PPP2R2B: variants seen among roughly 807,000 people sequenced by gnomAD.
PPP2R2B encodes protein phosphatase 2 regulatory subunit Bbeta, also known as serine/threonine-protein phosphatase 2A 55 kDa regulatory subunit B beta isoform.
Under a neutral mutation model 46.0 loss-of-function variants are expected in PPP2R2B, and 5 were observed. The observed-to-expected ratio is 0.11, with a 90% CI of 0.06 to 0.23. The LOEUF is 0.23. Ranked by LOEUF, PPP2R2B falls within the 10% of genes least tolerant of loss-of-function variation. PPP2R2B has a pLI of 1.00. For missense variants in PPP2R2B, 367 were observed against 575.0 expected (o/e 0.64, Z 3.70); for synonymous variants, 215 against 206.7 (o/e 1.04, Z -0.34).
intron 2 of PPP2R2B, among the ~76,000 whole-genome samples, chr5:147,071,157 G>C (rs76822809): frequency 1.3e-5 from 2 of 152,186 alleles, no homozygotes; most frequent in East Asian, 3.9e-4. Context: ...GCCCAGAATT[G>C]TAGCAGTTGT....
At chr5:146,712,433 T>A (rs1581932044) in intron 2 of PPP2R2B, among the ~76,000 whole-genome samples, 1 of 152,178 alleles carries the variant, frequency 6.6e-6, no homozygotes, top group South Asian at 2.1e-4. Context: ...CAGGACCCAA[T>A]CTTTAATAAA....
intron 7 of PPP2R2B, among the ~76,000 whole-genome samples, chr5:146,613,921 C>A (rs1581713283): frequency 7.7e-6 from 1 of 129,350 alleles, no homozygotes; most frequent in Non-Finnish European, 1.5e-5. Context: ...AATGGCCATA[C>A]TGCCCAAGGT....
chr5:146,982,460 A>T (rs1753221298), intron 1 of PPP2R2B, among the ~76,000 whole-genome samples: 1 of 152,170 alleles, frequency 6.6e-6, no homozygotes, highest in Admixed American at 6.5e-5. Flanking sequence ...TTTATAGTCC[A>T]GGTTATGGTC....
chr5:146,861,105 G>A (rs1301089627), intron 2 of PPP2R2B, among the ~76,000 whole-genome samples: 2 of 148,552 alleles, frequency 1.3e-5, no homozygotes, highest in African/African-American at 5.0e-5. Flanking sequence ...GCTCGGGCTG[G>A]AGTGCAGTGG....
chr5:147,018,165 C>T (rs1486370563), intron 1 of PPP2R2B, among the ~76,000 whole-genome samples: 1 of 151,754 alleles, frequency 6.6e-6, no homozygotes, highest in Non-Finnish European at 1.5e-5. Context: ...CCTCAGAAAA[C>T]TTGTCAAATA....
exon 1 of PPP2R2B, chr5:147,055,723 G>A: frequency 6.2e-7 from 1 of 1,613,312 alleles, no homozygotes; most frequent in African/African-American, 1.3e-5. Flanking sequence ...TGTAAGGCAG[G>A]TAACGAGAGA....
chr5:146,629,294 T>A (rs750827488), intron 7 of PPP2R2B, among the ~76,000 whole-genome samples: 1 of 152,174 alleles, frequency 6.6e-6, no homozygotes, highest in Non-Finnish European at 1.5e-5. Context: ...CTCGTTTCAG[T>A]GTATGGTACC....
chr5:146,832,747 A>G (rs567120343), intron 2 of PPP2R2B, among the ~76,000 whole-genome samples: 11 of 152,166 alleles, frequency 7.2e-5, no homozygotes, highest in Middle Eastern at 3.4e-3. Flanking sequence ...GAGATACACA[A>G]ATGCTTACCA....
At chr5:146,805,025 G>T (rs1049234412) in intron 2 of PPP2R2B, among the ~76,000 whole-genome samples, 1 of 152,112 alleles carries the variant, frequency 6.6e-6, no homozygotes, top group Admixed American at 6.6e-5. Context: ...CATAAACAAC[G>T]GCAATTCTCC....
chr5:146,749,301 C>T (rs1753390207), intron 2 of PPP2R2B, among the ~76,000 whole-genome samples: 1 of 152,016 alleles, frequency 6.6e-6, no homozygotes, highest in Non-Finnish European at 1.5e-5. Flanking sequence ...TAGTCTTTGT[C>T]CGACATGTGG....
chr5:147,055,730 G>A (rs1382154851), exon 1 of PPP2R2B: 2 of 1,613,220 alleles, frequency 1.2e-6, no homozygotes, highest in East Asian at 2.2e-5. Context: ...CAGGTAACGA[G>A]AGAAGCATTT....
At chr5:146,819,480 T>A (rs895063963) in intron 2 of PPP2R2B, among the ~76,000 whole-genome samples, 16 of 152,170 alleles carry the variant, frequency 1.1e-4, no homozygotes, top group African/African-American at 3.9e-4. Flanking sequence ...TCTTTGAATG[T>A]GGAGATGGCA....
intron 8 of PPP2R2B, among the ~76,000 whole-genome samples, chr5:146,593,869 T>G (rs925417298): frequency 6.6e-6 from 1 of 152,216 alleles, no homozygotes; most frequent in African/African-American, 2.4e-5. Context: ...TCTGCTGTGT[T>G]GCAATGGATC....
At chr5:146,851,037 C>T (rs1445491984) in intron 2 of PPP2R2B, among the ~76,000 whole-genome samples, 1 of 151,944 alleles carries the variant, frequency 6.6e-6, no homozygotes, top group Non-Finnish European at 1.5e-5. Context: ...TGGTAGTTTC[C>T]AAATAAACAT....
At chr5:147,049,478 A>G (rs570225617) in intron 1 of PPP2R2B, among the ~76,000 whole-genome samples, 1 of 152,244 alleles carries the variant, frequency 6.6e-6, no homozygotes, top group African/African-American at 2.4e-5. Flanking sequence ...TCTGCATTTT[A>G]GGTGAGAGAT....
upstream of PPP2R2B, among the ~76,000 whole-genome samples, chr5:147,059,292 T>A (rs908236536): frequency 6.6e-6 from 1 of 152,164 alleles, no homozygotes; most frequent in African/African-American, 2.4e-5. Context: ...ATGTTACAGA[T>A]CCATGCTTTT....
intron 8 of PPP2R2B, among the ~76,000 whole-genome samples, chr5:146,600,057 A>G (rs1046187601): frequency 2.0e-5 from 3 of 152,210 alleles, no homozygotes; most frequent in Admixed American, 6.5e-5. Context: ...TTACCTCTAT[A>G]GTGTCCATTC....
At chr5:146,854,076 C>T (rs10477313) in intron 2 of PPP2R2B, among the ~76,000 whole-genome samples, 26,803 of 151,892 alleles carry the variant, frequency 0.18, 2,805 homozygotes, top group East Asian at 0.35. Context: ...TCCCCAGCAC[C>T]GAGTACAGCA....
At chr5:146,950,441 T>A (rs1036202) in intron 1 of PPP2R2B, among the ~76,000 whole-genome samples, 33,251 of 151,612 alleles carry the variant, frequency 0.22, 3,902 homozygotes, top group East Asian at 0.38. Context: ...TCACATTTTT[T>A]AAAAAAAATT....
Sources: allele counts gnomAD v4.1 joint callset (sites outside exome capture counted in the v4.1 genomes callset), GRCh38; gene constraint gnomAD v4.1.1; transcripts MANE v1.5; gene names NCBI Gene and HGNC (gene_info 2026-07-23, HGNC 2026-07-21).